SNTB1: variants seen among roughly 807,000 people sequenced by gnomAD.
The protein encoded by SNTB1 is syntrophin beta 1.
In SNTB1, 36 loss-of-function variants were observed where a neutral mutation model predicts 48.9. That is an observed-to-expected ratio of 0.74 (90% CI 0.56 to 0.97). The LOEUF (loss-of-function observed/expected upper bound fraction) is 0.97, where lower values mean the gene tolerates loss of function less well. Ranked by LOEUF, SNTB1 falls within the 50% of genes least tolerant of loss-of-function variation. SNTB1 has a pLI of 0.00. For synonymous variants in SNTB1, 299 were observed against 294.6 expected (o/e 1.01, Z -0.15); for missense variants, 786 against 703.4 (o/e 1.12, Z -1.33).
intron 1 of SNTB1, among the ~76,000 whole-genome samples, chr8:120,727,595 T>G (rs1383153490): frequency 3.9e-5 from 6 of 152,210 alleles, no homozygotes; most frequent in Non-Finnish European, 5.9e-5. Flanking sequence ...AGAGGAAAAC[T>G]ACCACCAGGT....
At chr8:120,592,171 G>C (rs1354417152) in intron 3 of SNTB1, among the ~76,000 whole-genome samples, 3 of 151,542 alleles carry the variant, frequency 2.0e-5, no homozygotes, top group Non-Finnish European at 4.4e-5. Context: ...CCAATTTCAA[G>C]CTAATAAGCA....
chr8:120,606,295 T>C (rs1816517258), intron 3 of SNTB1, among the ~76,000 whole-genome samples: 1 of 140,270 alleles, frequency 7.1e-6, no homozygotes, highest in African/African-American at 2.5e-5. Context: ...ATAATAATGG[T>C]AAAGTATATA....
At chr8:120,807,906 T>G (rs1158977731) in intron 1 of SNTB1, among the ~76,000 whole-genome samples, 3 of 152,114 alleles carry the variant, frequency 2.0e-5, no homozygotes, top group Non-Finnish European at 4.4e-5. Flanking sequence ...TATTTATATT[T>G]ATATTTTTTA....
chr8:120,688,602 A>C (rs1161050846), intron 2 of SNTB1, among the ~76,000 whole-genome samples: 1 of 152,192 alleles, frequency 6.6e-6, no homozygotes, highest in African/African-American at 2.4e-5. Context: ...ATTATTTGAC[A>C]CAGAAGGTAT....
At chr8:120,671,755 T>C (rs1044010293) in intron 2 of SNTB1, among the ~76,000 whole-genome samples, 3 of 152,230 alleles carry the variant, frequency 2.0e-5, no homozygotes, top group African/African-American at 7.2e-5. Flanking sequence ...TTTGGAAGAT[T>C]GGGGAAATAA....
At chr8:120,681,885 AAAACAAACAAAC>A in intron 2 of SNTB1, among the ~76,000 whole-genome samples, 1 of 151,580 alleles carries the variant, frequency 6.6e-6, no homozygotes, top group East Asian at 1.9e-4. Context: ...GATGAAGATA[AAAACAAACAAAC>A]AAACAAACAA....
At chr8:120,744,943 A>C (rs1563587624) in intron 1 of SNTB1, among the ~76,000 whole-genome samples, 1 of 152,146 alleles carries the variant, frequency 6.6e-6, no homozygotes, top group Admixed American at 6.5e-5. Flanking sequence ...ATGGCTGGTT[A>C]CTCTCCATGA....
At chr8:120,639,944 A>G (rs892329879) in intron 2 of SNTB1, among the ~76,000 whole-genome samples, 1 of 152,034 alleles carries the variant, frequency 6.6e-6, no homozygotes. Context: ...TGGGGATGGC[A>G]TTGAATCTGT....
chr8:120,804,407 C>T (rs963932272), intron 1 of SNTB1, among the ~76,000 whole-genome samples: 3 of 152,136 alleles, frequency 2.0e-5, no homozygotes, highest in African/African-American at 4.8e-5. Context: ...AAATACCCTA[C>T]CTCCTCAATT....
chr8:120,551,971 C>T (rs7814292), intron 4 of SNTB1, among the ~76,000 whole-genome samples: 51,802 of 151,886 alleles, frequency 0.34, 11,215 homozygotes, highest in African/African-American at 0.62. Context: ...GGTTCCCTTC[C>T]TCCTTCCCTG....
chr8:120,587,647 C>T (rs959161272), intron 3 of SNTB1, among the ~76,000 whole-genome samples: 2 of 152,180 alleles, frequency 1.3e-5, no homozygotes, highest in Admixed American at 6.5e-5. Context: ...TGCTGTAAAC[C>T]GTTTAAGCAT....
intron 1 of SNTB1, among the ~76,000 whole-genome samples, chr8:120,767,944 T>C (rs61168588): frequency 0.039 from 5,887 of 152,196 alleles, 382 homozygotes; most frequent in African/African-American, 0.13. Context: ...CTTCTTTACT[T>C]CCCTCAAAAG....
At chr8:120,575,638 A>G (rs1006254226) in intron 3 of SNTB1, among the ~76,000 whole-genome samples, 6 of 152,230 alleles carry the variant, frequency 3.9e-5, no homozygotes, top group African/African-American at 1.4e-4. Flanking sequence ...AAAGGCTCTG[A>G]AAAATGTACT....
chr8:120,659,988 A>C (rs926195813), intron 2 of SNTB1, among the ~76,000 whole-genome samples: 1 of 152,200 alleles, frequency 6.6e-6, no homozygotes, highest in Non-Finnish European at 1.5e-5. Flanking sequence ...AGGTCTCAAC[A>C]GTGGTCTTAA....
Position 120,811,603 on chromosome 8 carries a change from C to G in SNTB1, c.241G>C (p.Gly81Arg), listed in dbSNP as rs1820436448. 2 of 1,573,998 alleles carry G rather than the reference C, an allele frequency of 1.3e-6. No individual in the cohort carries two copies. Among genetic ancestry groups the G allele is most frequent in the Non-Finnish European group, 1.7e-6 (2 of 1,164,260 alleles). Residue 81 changes from glycine (G) to arginine (R), a missense_variant, in exon 1 of 7, where the codon GGC becomes CGC. By Grantham distance (125) the Gly-to-Arg change is moderately radical. Coordinates refer to ENST00000517992, the MANE Select transcript of SNTB1 (RefSeq NM_021021.4). ...GAGAGHPGAGGAQPPDSPAGV... is the reference protein window; with the variant it reads ...GAGAGHPGAGRAQPPDSPAGV... ...GCGGGCGAGTCCGGGGGCTGCGCGC[C>G]GCCCGCGCCCGGGTGCCCAGCCCCG... is the stretch of plus-strand genomic sequence containing the variant.
At chr8:120,722,466 T>C (rs1818678651) in intron 1 of SNTB1, among the ~76,000 whole-genome samples, 1 of 152,212 alleles carries the variant, frequency 6.6e-6, no homozygotes, top group South Asian at 2.1e-4. Flanking sequence ...TATCTCAGTG[T>C]GGTTTTGATT....
At position 120,538,978 on chromosome 8, in the gene SNTB1, T is replaced by G. The variant is rs377335826; in HGVS notation, c.1525-9A>C. 1.4e-5 allele frequency: 22 copies of G among 1,603,306 alleles called. No homozygotes were observed. The highest frequency in any genetic ancestry group is 1.9e-5 in the Non-Finnish European group (22 of 1,175,694). ...GAATGAAGGTCCAGTTGCTGAAATT[T>G]AAAAAGAAGAGAGCATGAGCGATTT... On this transcript the variant is annotated splice_polypyrimidine_tract_variant and intron_variant, in intron 6 of 6. Transcript: ENST00000517992.
chr8:120,738,922 C>CA (rs1818997576), intron 1 of SNTB1, among the ~76,000 whole-genome samples: 1 of 152,150 alleles, frequency 6.6e-6, no homozygotes, highest in South Asian at 2.1e-4. Context: ...GTCACTAAAA[C>CA]AACTTCACTC....
intron 3 of SNTB1, among the ~76,000 whole-genome samples, chr8:120,582,596 C>A (rs192035882): frequency 1.2e-3 from 187 of 152,214 alleles, no homozygotes; most frequent in African/African-American, 4.3e-3. Context: ...GAAATGAGTT[C>A]ATGTCCTTTG....
Sources: gnomAD v4.1 joint callset for allele counts (sites outside exome capture counted in the v4.1 genomes callset) on GRCh38, gnomAD v4.1.1 for gene constraint, MANE v1.5 for transcripts, NCBI Gene and HGNC (gene_info 2026-07-23, HGNC 2026-07-21) for gene names.